RBFOX1: variants seen among roughly 807,000 people sequenced by gnomAD.
The protein encoded by RBFOX1 is RNA binding fox-1 homolog 1, also known as RNA binding protein fox-1 homolog 1.
In RBFOX1, 8 loss-of-function variants were observed where a neutral mutation model predicts 57.7. The observed-to-expected ratio is 0.14, with a 90% CI of 0.08 to 0.25. The LOEUF is 0.25. Ranked by LOEUF, RBFOX1 falls within the 10% of genes least tolerant of loss-of-function variation. The pLI is 1.00. For synonymous variants in RBFOX1, 326 were observed against 222.4 expected (o/e 1.47, Z -4.15); for missense variants, 611 against 548.5 (o/e 1.11, Z -1.14).
intron 5 of RBFOX1, among the ~76,000 whole-genome samples, chr16:7,522,974 T>C (rs539313634): frequency 1.1e-3 from 160 of 152,320 alleles, no homozygotes; most frequent in Middle Eastern, 6.8e-3. Context: ...TTTCTTGCTC[T>C]TTTTTGATCC....
At chr16:5,766,906 C>A (rs776147331) in intron 3 of RBFOX1, among the ~76,000 whole-genome samples, 6 of 152,220 alleles carry the variant, frequency 3.9e-5, no homozygotes, top group Non-Finnish European at 8.8e-5. Context: ...CATTTTTAAA[C>A]CTCTACTTAT....
rs549025926 is a variant in RBFOX1, at chr16:6,439,626, G to A, written c.-64+122569G>A. 3.3e-5 allele frequency among the ~76,000 whole-genome samples: 5 copies of A among 152,188 alleles called. No homozygotes were observed. The East Asian group carries it at 5.8e-4, about 18-fold the overall frequency. On this transcript the variant is annotated intron_variant, in intron 2 of 15. Transcript: ENST00000550418. ...TGATTTCTTGACAAATTGTTTCCCCGAACCACTATTCTCTCCTGTGTGGCT... is the reference window on the plus strand; with the variant it reads ...TGATTTCTTGACAAATTGTTTCCCCAAACCACTATTCTCTCCTGTGTGGCT...
intron 1 of RBFOX1, among the ~76,000 whole-genome samples, chr16:6,028,117 G>A (rs899394530): frequency 2.4e-4 from 36 of 152,172 alleles, no homozygotes; most frequent in African/African-American, 7.5e-4. Context: ...GTCACTGCCT[G>A]TGTTCTCAAG....
chr16:5,604,736 G>A (rs2047504959), downstream of RBFOX1, among the ~76,000 whole-genome samples: 1 of 152,174 alleles, frequency 6.6e-6, no homozygotes, highest in African/African-American at 2.4e-5. Flanking sequence ...GGGGCCAAGT[G>A]TGCTGCTATT....
intron 4 of RBFOX1, among the ~76,000 whole-genome samples, chr16:7,300,114 C>A (rs2095996217): frequency 6.6e-6 from 1 of 152,166 alleles, no homozygotes; most frequent in South Asian, 2.1e-4. Context: ...CCTGGTTTCC[C>A]TAATTCCCTG....
chr16:6,053,926 T>C (rs775992277), intron 1 of RBFOX1, among the ~76,000 whole-genome samples: 3 of 152,022 alleles, frequency 2.0e-5, no homozygotes, highest in Non-Finnish European at 4.4e-5. Flanking sequence ...CATGGTGGCA[T>C]GTACCTGTAG....
chr16:6,561,074 C>G (rs2097173481), intron 2 of RBFOX1, among the ~76,000 whole-genome samples: 1 of 152,154 alleles, frequency 6.6e-6, no homozygotes, highest in South Asian at 2.1e-4. Context: ...CTATGTGCAG[C>G]TGTTTTTCAT....
chr16:7,679,873 T>C (rs898204146), intron 14 of RBFOX1, among the ~76,000 whole-genome samples: 2 of 152,080 alleles, frequency 1.3e-5, no homozygotes, highest in African/African-American at 4.8e-5. Context: ...ACTAGGTAAT[T>C]TTATAGTCTC....
intron 4 of RBFOX1, among the ~76,000 whole-genome samples, chr16:7,207,006 C>T (rs1887927521): frequency 6.6e-6 from 1 of 152,180 alleles, no homozygotes; most frequent in African/African-American, 2.4e-5. Flanking sequence ...CCCCTTGCAG[C>T]TCAGTGCAAT....
intron 1 of RBFOX1, among the ~76,000 whole-genome samples, chr16:6,133,449 C>G (rs1238123582): frequency 6.6e-6 from 1 of 152,212 alleles, no homozygotes; most frequent in Non-Finnish European, 1.5e-5. Flanking sequence ...CATTCCCTGC[C>G]TCTTGGGATG....
intron 3 of RBFOX1, among the ~76,000 whole-genome samples, chr16:5,626,486 T>C (rs1479525637): frequency 6.6e-6 from 1 of 152,190 alleles, no homozygotes; most frequent in Non-Finnish European, 1.5e-5. Context: ...AGTCACATTC[T>C]GAGCTCCTGG....
At chr16:6,654,949 A>C (rs1345492761) in intron 3 of RBFOX1, among the ~76,000 whole-genome samples, 1 of 151,948 alleles carries the variant, frequency 6.6e-6, no homozygotes, top group East Asian at 1.9e-4. Context: ...GTCACATTGA[A>C]CTTGAATATT....
In RBFOX1 at chr16:7,094,936, T is replaced by C. The variant is rs144678836; in HGVS notation, c.27+42838T>C. Among the ~76,000 whole-genome samples, 93 of 152,228 alleles carry C rather than the reference T, an allele frequency of 6.1e-4. No homozygotes were observed. The East Asian group carries it at 0.016, about 26-fold the overall frequency. On this transcript the variant is annotated intron_variant, in intron 4 of 15. Transcript: ENST00000550418. ...TCTCTTAATACCTGTAGAACAAATATTGTATCTGTAAACATCTATTGTAAA... is the reference window on the plus strand; with the variant it reads ...TCTCTTAATACCTGTAGAACAAATACTGTATCTGTAAACATCTATTGTAAA...
At chr16:7,526,378 C>T (rs1032552686) in intron 5 of RBFOX1, among the ~76,000 whole-genome samples, 2 of 152,170 alleles carry the variant, frequency 1.3e-5, no homozygotes, top group Admixed American at 1.3e-4. Flanking sequence ...AAGGCCTGGC[C>T]TCTGGACTTG....
chr16:6,928,626 C>T (rs1179394578), intron 3 of RBFOX1, among the ~76,000 whole-genome samples: 1 of 152,166 alleles, frequency 6.6e-6, no homozygotes, highest in Non-Finnish European at 1.5e-5. Context: ...CCCAAGGTCT[C>T]TAGCAGCCTT....
intron 4 of RBFOX1, among the ~76,000 whole-genome samples, chr16:7,139,908 G>A (rs2073205402): frequency 6.6e-6 from 1 of 152,068 alleles, no homozygotes; most frequent in African/African-American, 2.4e-5. Context: ...GTTGGCTGTG[G>A]AGGAGGAAGA....
intron 2 of RBFOX1, among the ~76,000 whole-genome samples, chr16:6,319,493 C>T (rs936672276): frequency 3.3e-5 from 5 of 152,166 alleles, no homozygotes; most frequent in Non-Finnish European, 7.4e-5. Flanking sequence ...ATGAATGCTT[C>T]TTAACTCCTG....
At chr16:7,478,190 C>G (rs2063136205) in intron 4 of RBFOX1, among the ~76,000 whole-genome samples, 1 of 152,094 alleles carries the variant, frequency 6.6e-6, no homozygotes, top group African/African-American at 2.4e-5. Flanking sequence ...TTCACTTCAC[C>G]CAGAGTATAT....
rs538695225 is a variant in RBFOX1, at chr16:6,820,765, G to C, written c.-16+166115G>C. On this transcript the variant is annotated intron_variant, in intron 3 of 15. Transcript: ENST00000550418. ...TCTATAGGCCTCAAATCGATGCTAA[G>C]TCAGAGACTTATTACTGCAAAAGGC... 3.9e-5 allele frequency among the ~76,000 whole-genome samples: 6 copies of C among 152,272 alleles called. No homozygotes were observed. In the South Asian group the frequency reaches 1.2e-3, roughly 32 times the overall value.
Sources: allele counts gnomAD v4.1 joint callset (sites outside exome capture counted in the v4.1 genomes callset), GRCh38; gene constraint gnomAD v4.1.1; transcripts MANE v1.5; gene names NCBI Gene and HGNC (gene_info 2026-07-23, HGNC 2026-07-21).